The following NRXN1 variants were observed in gnomAD, a reference collection of about 807,000 sequenced individuals.
The protein encoded by NRXN1 is neurexin 1, also known as neurexin-1.
A neutral mutation model predicts 150.9 loss-of-function variants in NRXN1; 39 were observed. The ratio of observed to expected loss-of-function variants is 0.26; its 90% CI spans 0.20 to 0.34. The LOEUF is 0.34. Ranked by LOEUF, NRXN1 falls within the 10% of genes least tolerant of loss-of-function variation. The pLI is 1.00. For missense variants in NRXN1, 1,815 were observed against 1,949.9 expected (o/e 0.93, Z 1.30); for synonymous variants, 924 against 757.0 (o/e 1.22, Z -3.62).
chr2:50,407,186 T>A (rs2082808438), intron 17 of NRXN1, among the ~76,000 whole-genome samples: 1 of 152,226 alleles, frequency 6.6e-6, no homozygotes, highest in African/African-American at 2.4e-5. Context: ...TTAAATTGTT[T>A]CTACAATTTC....
intron 17 of NRXN1, among the ~76,000 whole-genome samples, chr2:50,307,351 GGAAGGATCAA>G (rs2074721211): frequency 6.6e-6 from 1 of 152,068 alleles, no homozygotes; most frequent in Non-Finnish European, 1.5e-5. Context: ...TGTCAAATTA[GGAAGGATCAA>G]GAAGGAGCTT....
rs532809115 is a variant in NRXN1, at chr2:50,737,129, C to T, written c.833-113514G>A. On this transcript the variant is annotated intron_variant, in intron 5 of 22. Transcript: ENST00000401669. ...AAAAAATTAGCTGGGCATGGCAGTG[C>T]GTGCCTGTAATCCCAGCTACTTGGG... Among the ~76,000 whole-genome samples, 9 of 151,964 alleles carry T rather than the reference C, an allele frequency of 5.9e-5. No homozygotes were observed. The South Asian group carries it at 1.9e-3, about 32-fold the overall frequency.
intron 5 of NRXN1, among the ~76,000 whole-genome samples, chr2:50,859,331 C>A (rs192326790): frequency 4.0e-5 from 6 of 151,834 alleles, no homozygotes; most frequent in Non-Finnish European, 1.5e-5. Context: ...GGGCAGTGCA[C>A]AGAAGCCAGA....
At chr2:50,578,946 G>A (rs764501706) in intron 8 of NRXN1, among the ~76,000 whole-genome samples, 4 of 152,128 alleles carry the variant, frequency 2.6e-5, no homozygotes, top group African/African-American at 9.7e-5. Flanking sequence ...TCTGGGGTTA[G>A]ACTTCAATTA....
chr2:50,574,279 C>T (rs1330005203), intron 8 of NRXN1, among the ~76,000 whole-genome samples: 1 of 151,940 alleles, frequency 6.6e-6, no homozygotes, highest in Non-Finnish European at 1.5e-5. Context: ...TTTACATTCA[C>T]TTAAATATCC....
intron 22 of NRXN1, among the ~76,000 whole-genome samples, chr2:49,937,552 C>G (rs1291757456): frequency 1.3e-5 from 2 of 152,072 alleles, no homozygotes; most frequent in African/African-American, 4.8e-5. Context: ...AAAACATTTC[C>G]TACACCAGCA....
At chr2:50,410,686 T>C (rs1377878363) in intron 17 of NRXN1, among the ~76,000 whole-genome samples, 1 of 151,932 alleles carries the variant, frequency 6.6e-6, no homozygotes, top group African/African-American at 2.4e-5. Flanking sequence ...AAAAAAAAAG[T>C]ATAAAAAAGA....
chr2:50,027,720 G>A (rs1688579375), intron 21 of NRXN1, among the ~76,000 whole-genome samples: 1 of 152,134 alleles, frequency 6.6e-6, no homozygotes, highest in African/African-American at 2.4e-5. Flanking sequence ...TGGGAGCCAT[G>A]GCAACTGCCT....
chr2:50,028,857 C>T lies in NRXN1; in HGVS notation c.4128+24414G>A, dbSNP rs1443757792. Among the ~76,000 whole-genome samples the T allele has an allele frequency of 2.6e-5, 4 of 152,278 alleles. No individual in the cohort carries two copies. In the South Asian group the frequency reaches 6.2e-4, roughly 24 times the overall value. ...GGTAAGATGGGATTGATAAAATAAT[C>T]TTGGAATCTTAACATGTAATTAGGT... On this transcript the variant is annotated intron_variant, in intron 21 of 22. Coordinates refer to ENST00000401669, the MANE Select transcript of NRXN1 (RefSeq NM_001330078.2).
At chr2:50,424,142 A>C (rs1308735157) in intron 17 of NRXN1, among the ~76,000 whole-genome samples, 2 of 80,736 alleles carry the variant, frequency 2.5e-5, no homozygotes, top group Non-Finnish European at 4.6e-5. Flanking sequence ...GAGGAGGAGG[A>C]GGGGGGGAGG....
intron 5 of NRXN1, among the ~76,000 whole-genome samples, chr2:50,686,355 G>A (rs774243209): frequency 6.6e-6 from 1 of 152,022 alleles, no homozygotes; most frequent in East Asian, 1.9e-4. Flanking sequence ...ACCAGAAATT[G>A]CAGCAAATTC....
At chr2:50,282,802 T>C (rs1008954989) in intron 17 of NRXN1, among the ~76,000 whole-genome samples, 1 of 152,084 alleles carries the variant, frequency 6.6e-6, no homozygotes, top group Non-Finnish European at 1.5e-5. Flanking sequence ...AGCAGCAAAA[T>C]AATTTTGAGT....
At chr2:50,777,721 G>C (rs781497212) in intron 5 of NRXN1, among the ~76,000 whole-genome samples, 2 of 152,056 alleles carry the variant, frequency 1.3e-5, no homozygotes, top group African/African-American at 4.8e-5. Flanking sequence ...ATCCTAAAAG[G>C]CTAAGTTCTA....
intron 18 of NRXN1, among the ~76,000 whole-genome samples, chr2:50,150,300 G>C (rs2058621059): frequency 1.3e-5 from 2 of 151,758 alleles, no homozygotes; most frequent in Admixed American, 1.3e-4. Flanking sequence ...TCCTATTAAG[G>C]AGGTTTTACC....
At chr2:50,016,077 G>A (rs946334188) in intron 21 of NRXN1, among the ~76,000 whole-genome samples, 10 of 152,142 alleles carry the variant, frequency 6.6e-5, no homozygotes, top group Middle Eastern at 3.4e-3. Context: ...AAAGAAGTAA[G>A]GATCTTTTTA....
intron 5 of NRXN1, among the ~76,000 whole-genome samples, chr2:50,722,334 C>T (rs1316106428): frequency 6.6e-6 from 1 of 151,950 alleles, no homozygotes; most frequent in Non-Finnish European, 1.5e-5. Context: ...GCACTATGAG[C>T]AGAGTACTAA....
chr2:49,940,561 G>C (rs150880588), intron 22 of NRXN1, among the ~76,000 whole-genome samples: 206 of 152,122 alleles, frequency 1.4e-3, no homozygotes, highest in African/African-American at 4.7e-3. Flanking sequence ...GACTTAAACA[G>C]GATTCAAAAC....
chr2:49,929,876 C>T (rs1193451107), intron 22 of NRXN1, among the ~76,000 whole-genome samples: 1 of 151,992 alleles, frequency 6.6e-6, no homozygotes, highest in Non-Finnish European at 1.5e-5. Context: ...TATAGTGAGG[C>T]AGAGAGGCAT....
chr2:50,491,627 G>C (rs776781967), intron 15 of NRXN1, among the ~76,000 whole-genome samples: 3 of 152,168 alleles, frequency 2.0e-5, no homozygotes, highest in Non-Finnish European at 2.9e-5. Context: ...GGGTTTGAGA[G>C]GGAGAACAGA....
Sources: allele counts gnomAD v4.1 joint callset (sites outside exome capture counted in the v4.1 genomes callset), GRCh38; gene constraint gnomAD v4.1.1; transcripts MANE v1.5; gene names NCBI Gene and HGNC (gene_info 2026-07-23, HGNC 2026-07-21).